The following RAI14 variants were observed in gnomAD, a reference collection of about 807,000 sequenced individuals.
RAI14 encodes retinoic acid induced 14, also known as ankycorbin.
Under a neutral mutation model 115.4 loss-of-function variants are expected in RAI14, and 45 were observed. The ratio of observed to expected loss-of-function variants is 0.39; its 90% CI spans 0.31 to 0.50. The LOEUF (loss-of-function observed/expected upper bound fraction) is 0.50. Ranked by LOEUF, RAI14 falls within the 20% of genes least tolerant of loss-of-function variation. The pLI is 0.85. For missense variants in RAI14, 939 were observed against 1,131.2 expected (o/e 0.83, Z 2.44); for synonymous variants, 371 against 415.4 (o/e 0.89, Z 1.30).
intron 13 of RAI14, among the ~76,000 whole-genome samples, chr5:34,820,500 T>A (rs967987254): frequency 1.3e-5 from 2 of 152,182 alleles, no homozygotes; most frequent in African/African-American, 2.4e-5. Context: ...TAGTCCCAGC[T>A]ACTTGGGAAG....
chr5:34,776,698 T>A (rs1750879930), intron 3 of RAI14, among the ~76,000 whole-genome samples: 1 of 151,692 alleles, frequency 6.6e-6, no homozygotes, highest in Admixed American at 6.6e-5. Flanking sequence ...TTGCAACTAT[T>A]CGGGAGACTG....
intron 1 of RAI14, among the ~76,000 whole-genome samples, chr5:34,663,477 A>G (rs1347305120): frequency 6.6e-6 from 1 of 152,170 alleles, no homozygotes; most frequent in African/African-American, 2.4e-5. Flanking sequence ...AAATCTTACC[A>G]CTACACTCCA....
chr5:34,766,857 G>A (rs1233355106), intron 3 of RAI14, among the ~76,000 whole-genome samples: 2 of 152,130 alleles, frequency 1.3e-5, no homozygotes, highest in Non-Finnish European at 2.9e-5. Context: ...TACATATTGT[G>A]GGGGTACCCA....
chr5:34,822,669 T>TC, intron 14 of RAI14, among the ~76,000 whole-genome samples: 1 of 23,006 alleles, frequency 4.3e-5, no homozygotes, highest in African/African-American at 2.3e-4. Flanking sequence ...GGTATCTTTT[T>TC]TTTTTTTTTT....
chr5:34,699,407 A>G (rs1579951856), intron 2 of RAI14, among the ~76,000 whole-genome samples: 1 of 152,184 alleles, frequency 6.6e-6, no homozygotes, highest in South Asian at 2.1e-4. Flanking sequence ...GTCTCTCCCC[A>G]GCTTCTGGTG....
chr5:34,708,459 C>G (rs1490953362), intron 2 of RAI14, among the ~76,000 whole-genome samples: 2 of 152,184 alleles, frequency 1.3e-5, no homozygotes, highest in Non-Finnish European at 2.9e-5. Context: ...GCCCCAGCCT[C>G]CCAAAGTGCT....
intron 12 of RAI14, among the ~76,000 whole-genome samples, chr5:34,816,355 C>T (rs1054970709): frequency 7.9e-5 from 12 of 151,948 alleles, no homozygotes; most frequent in African/African-American, 2.7e-4. Flanking sequence ...TAATTCCAAT[C>T]AAAGAGACAG....
chr5:34,688,387 A>C, intron 2 of RAI14: 2 of 815,590 alleles, frequency 2.5e-6, no homozygotes. Context: ...TTTTAGCAAA[A>C]TTTCATCAGT....
rs1311534588 is a variant in RAI14, at chr5:34,759,219, C to T, written c.167+1621C>T. Among the ~76,000 whole-genome samples, 7 of 151,964 alleles carry T rather than the reference C, an allele frequency of 4.6e-5. No individual in the cohort carries two copies. The East Asian group carries it at 5.8e-4, about 13-fold the overall frequency. ...CGTAGGTTGCAGTGAGCTGAGACTG[C>T]GCCACTGCACTCCAGCTTGGGTGAC... On this transcript the variant is annotated intron_variant, in intron 3 of 17. Coordinates refer to ENST00000265109, the MANE Select transcript of RAI14 (RefSeq NM_015577.3).
intron 1 of RAI14, among the ~76,000 whole-genome samples, chr5:34,671,357 C>G: frequency 6.6e-6 from 1 of 152,164 alleles, no homozygotes; most frequent in East Asian, 1.9e-4. Flanking sequence ...ATCCCTTCTA[C>G]GTGTGGCAGA....
chr5:34,782,551 G>T (rs912401878), intron 3 of RAI14, among the ~76,000 whole-genome samples: 4 of 152,066 alleles, frequency 2.6e-5, no homozygotes, highest in African/African-American at 9.7e-5. Context: ...TTTTAGTTTT[G>T]CAATATCCAA....
intron 7 of RAI14, among the ~76,000 whole-genome samples, chr5:34,808,950 A>G (rs1321931808): frequency 6.6e-6 from 1 of 152,164 alleles, no homozygotes; most frequent in Non-Finnish European, 1.5e-5. Context: ...TCTTATAGGC[A>G]GTACTGCTCA....
chr5:34,790,757 T>TA (rs1752826133), intron 3 of RAI14, among the ~76,000 whole-genome samples: 1 of 139,262 alleles, frequency 7.2e-6, no homozygotes, highest in Non-Finnish European at 1.6e-5. Context: ...TGTGTGTGTG[T>TA]GTATATATAC....
At chr5:34,716,853 T>G (rs572550794) in intron 2 of RAI14, 15 of 152,340 alleles carry the variant, frequency 9.8e-5, no homozygotes, top group African/African-American at 3.4e-4. Flanking sequence ...GAGAAGAGTT[T>G]TCTTCCTCTT....
At chr5:34,770,641 G>C (rs1750033561) in intron 3 of RAI14, among the ~76,000 whole-genome samples, 1 of 152,196 alleles carries the variant, frequency 6.6e-6, no homozygotes, top group Non-Finnish European at 1.5e-5. Flanking sequence ...TGGCTCTCCT[G>C]GTGGAAGGAA....
chr5:34,720,346 A>G (rs1742514628), intron 2 of RAI14, among the ~76,000 whole-genome samples: 3 of 151,168 alleles, frequency 2.0e-5, no homozygotes, highest in Non-Finnish European at 4.4e-5. Flanking sequence ...AAGTTAGTCT[A>G]TAAAATGTTC....
At chr5:34,766,980 G>A (rs750414735) in intron 3 of RAI14, among the ~76,000 whole-genome samples, 47 of 152,130 alleles carry the variant, frequency 3.1e-4, no homozygotes, top group Non-Finnish European at 4.9e-4. Context: ...TTGCATCTTC[G>A]TCATTTTTCT....
intron 3 of RAI14, among the ~76,000 whole-genome samples, chr5:34,788,962 G>C (rs1326376595): frequency 6.6e-6 from 1 of 152,128 alleles, no homozygotes; most frequent in African/African-American, 2.4e-5. Context: ...GAGTGAGACT[G>C]CATCTCAAAA....
chr5:34,656,898 C>G (rs916794250), intron 1 of RAI14: 10 of 152,230 alleles, frequency 6.6e-5, no homozygotes, highest in African/African-American at 2.4e-4. Flanking sequence ...CCGCGCGGCG[C>G]CTCGCTGCCC....
Sources: allele counts gnomAD v4.1 joint callset (sites outside exome capture counted in the v4.1 genomes callset), GRCh38; gene constraint gnomAD v4.1.1; transcripts MANE v1.5; gene names NCBI Gene and HGNC (gene_info 2026-07-23, HGNC 2026-07-21).